The following RGPD3 variants were observed in gnomAD, a reference collection of about 807,000 sequenced individuals.
RGPD3 encodes the protein RANBP2 like and GRIP domain containing 3.
In RGPD3, 62 loss-of-function variants were observed where a neutral mutation model predicts 154.5. The ratio of observed to expected loss-of-function variants is 0.40; its 90% CI spans 0.33 to 0.50. RGPD3 has a LOEUF of 0.50. RGPD3 is among the 20% of genes least tolerant of loss of function. RGPD3 has a pLI of 0.59. For missense variants in RGPD3, 919 were observed against 1,716.8 expected (o/e 0.54, Z 8.21); for synonymous variants, 308 against 607.0 (o/e 0.51, Z 7.24).
chr2:106,459,658 T>C (rs1678350663), intron 1 of RGPD3, among the ~76,000 whole-genome samples: 1 of 133,090 alleles, frequency 7.5e-6, no homozygotes, highest in African/African-American at 2.8e-5. Flanking sequence ...AATAGAAAAA[T>C]TAGCCAGGCA....
chr2:106,436,197 T>G lies in RGPD3; in HGVS notation c.1684A>C (p.Thr562Pro), dbSNP rs780096587. 2.5e-6 allele frequency: 4 copies of G among 1,611,618 alleles called. No individual in the cohort carries two copies. The highest frequency in any genetic ancestry group is 3.4e-6 in the Non-Finnish European group (4 of 1,179,838). ...LRLLVQHEINTLRAQEKHGLQ... is the reference protein window; with the variant it reads ...LRLLVQHEINPLRAQEKHGLQ... ...CCATGTTTTTCCTGGGCTCTTAGAG[T>G]GTTTATTTCATGCTGAACTAGAAGT... The change falls in exon 12 of 23, where the codon ACT (threonine) becomes CCT (proline). Residue 562 changes from threonine (T) to proline (P), a missense_variant. Physicochemically the swap from Thr to Pro is conservative, Grantham distance 38. Coordinates refer to ENST00000409886, the MANE Select transcript of RGPD3 (RefSeq NM_001144013.2).
intron 1 of RGPD3, among the ~76,000 whole-genome samples, chr2:106,463,397 C>T (rs1437872159): frequency 2.6e-5 from 4 of 152,196 alleles, no homozygotes; most frequent in Non-Finnish European, 5.9e-5. Flanking sequence ...ATCACTTGAA[C>T]CCGGGAGGCG....
chr2:106,416,249 TTG>T (rs1441100747), intron 20 of RGPD3, among the ~76,000 whole-genome samples: 1 of 147,422 alleles, frequency 6.8e-6, no homozygotes, highest in East Asian at 2.1e-4. Context: ...TTTGTCAGAA[TTG>T]TGTTTATAGA....
intron 7 of RGPD3, among the ~76,000 whole-genome samples, chr2:106,445,204 G>A (rs1677873271): frequency 7.1e-6 from 1 of 141,070 alleles, no homozygotes; most frequent in African/African-American, 2.7e-5. Context: ...CAGGAGAATG[G>A]CGTGAACCCA....
chr2:106,415,667 A>G (rs1676804141), intron 21 of RGPD3, among the ~76,000 whole-genome samples, 183 bp downstream of exon 21: 2 of 89,736 alleles, frequency 2.2e-5, no homozygotes, highest in South Asian at 9.8e-4. Flanking sequence ...ACAAAGCAAG[A>G]CTGTCTCAAA....
rs1352272046 is a variant in RGPD3 at position 106,424,312 on chromosome 2, C to A, written c.3655G>T (p.Glu1219Ter). The change falls in exon 20 of 23, where the codon GAA (glutamate) becomes TAA (stop). Residue 1219 changes from glutamate to a stop codon, truncating the protein, a stop_gained. Transcript: ENST00000409886. LOFTEE classifies it high-confidence loss of function. ...CCTGTACCTGAACCCTTATTTTCTT[C>A]CTCAGCGACTTTTGTTTGATCATTT... ...LTNDQTKVAE[E>*]ENKGSGTGAA... 3 of 1,611,948 alleles carry A rather than the reference C, an allele frequency of 1.9e-6. No individual in the cohort carries two copies. Among genetic ancestry groups the A allele is most frequent in the Non-Finnish European group, 2.5e-6 (3 of 1,179,860 alleles).
chr2:106,436,337 A>C, intron 11 of RGPD3, 77 bp downstream of exon 11: 5 of 1,610,742 alleles, frequency 3.1e-6, no homozygotes, highest in Non-Finnish European at 4.2e-6. Flanking sequence ...ATGACAAATT[A>C]AATCTTCACA....
rs1471170451 is a variant in RGPD3 at position 106,418,032 on chromosome 2, G to A, written c.4925-2043C>T. ...TAATCCCAGCTGCTGGGGAGGCTGA[G>A]GCAGAGAACTGCTGGAAGCCAGGAG... On this transcript the variant is annotated intron_variant, in intron 20 of 22. Transcript: ENST00000409886. 1.4e-5 allele frequency among the ~76,000 whole-genome samples: 2 copies of A among 145,412 alleles called. 1 individual carries two copies. Among genetic ancestry groups the A allele is most frequent in the East Asian group, 6.3e-4 (2 of 3,174 alleles).
chr2:106,415,697 A>AAAAAAT (rs1491421236), intron 21 of RGPD3, among the ~76,000 whole-genome samples, 153 bp downstream of exon 21: 3 of 134,574 alleles, frequency 2.2e-5, no homozygotes, highest in African/African-American at 9.2e-5. Flanking sequence ...AAAAAAAAAA[A>AAAAAAT]GGCAATATTT....
At chr2:106,410,101 C>T (rs1374364076) in intron 22 of RGPD3, among the ~76,000 whole-genome samples, 1 of 151,814 alleles carries the variant, frequency 6.6e-6, no homozygotes, top group Non-Finnish European at 1.5e-5. Context: ...GTCTTGAACT[C>T]CTGACCTCAG....
intron 22 of RGPD3, among the ~76,000 whole-genome samples, chr2:106,407,544 A>G (rs4627561): frequency 0.21 from 28,845 of 138,038 alleles, 3,364 homozygotes; most frequent in East Asian, 0.54. Context: ...CCAGATGACT[A>G]TAAACATTTC....
chr2:106,462,393 C>T (rs1270237069), intron 1 of RGPD3, among the ~76,000 whole-genome samples: 24 of 150,738 alleles, frequency 1.6e-4, no homozygotes, highest in Admixed American at 1.5e-3. Flanking sequence ...CAGGCAAATG[C>T]CTTGTTTAAA....
At chr2:106,446,464 G>A (rs1439146940) in intron 7 of RGPD3, among the ~76,000 whole-genome samples, 2 of 149,650 alleles carry the variant, frequency 1.3e-5, no homozygotes, top group African/African-American at 4.9e-5. Context: ...CAGCTACTCA[G>A]GAGGCTGAGG....
rs768738127 is a variant in RGPD3 at position 106,405,209 on chromosome 2, G to A, written c.*10C>T. On this transcript the variant is annotated 3_prime_UTR_variant, in exon 23 of 23. Transcript: ENST00000409886. ...AGATAGGATGCCCATCCAGAAGAAC[G>A]GGAAGCATTTTATTCCTCACCTTTG... 5.0e-6 allele frequency: 8 copies of A among 1,609,320 alleles called. No individual in the cohort carries two copies. Among genetic ancestry groups the A allele is most frequent in the Middle Eastern group, 1.7e-4 (1 of 5,750 alleles).
intron 21 of RGPD3, among the ~76,000 whole-genome samples, chr2:106,415,519 A>G (rs1345573770): frequency 1.3e-5 from 2 of 151,642 alleles, no homozygotes; most frequent in Admixed American, 6.6e-5. Flanking sequence ...TACTAAAAAT[A>G]CAAAGAAATT....
At chr2:106,467,096 G>A (rs1678637601) in intron 1 of RGPD3, among the ~76,000 whole-genome samples, 1 of 108,516 alleles carries the variant, frequency 9.2e-6, no homozygotes, top group Non-Finnish European at 2.0e-5. Flanking sequence ...GGCCGCCGCA[G>A]GGCCAGGTCG....
intron 7 of RGPD3, among the ~76,000 whole-genome samples, chr2:106,442,544 TGACAGC>T (rs1243066163): frequency 7.4e-6 from 1 of 134,332 alleles, no homozygotes; most frequent in East Asian, 2.0e-4. Context: ...AGGGAAGACG[TGACAGC>T]TGCCTTCAAA....
intron 6 of RGPD3, among the ~76,000 whole-genome samples, chr2:106,447,957 C>A (rs1300116805): frequency 1.3e-5 from 2 of 151,638 alleles, no homozygotes; most frequent in East Asian, 1.9e-4. Context: ...TCTTCCTGAT[C>A]ATATAATTTC....
upstream of RGPD3, among the ~76,000 whole-genome samples, chr2:106,468,805 CAAAAAAAAAA>C (rs57971663): frequency 8.8e-5 from 5 of 56,916 alleles, no homozygotes; most frequent in African/African-American, 2.4e-4. Flanking sequence ...GACTCCATCT[CAAAAAAAAAA>C]AAAAAAAAAA....
Sources: allele counts gnomAD v4.1 joint callset (sites outside exome capture counted in the v4.1 genomes callset), GRCh38; gene constraint gnomAD v4.1.1; transcripts MANE v1.5; gene names NCBI Gene and HGNC (gene_info 2026-07-23, HGNC 2026-07-21).